Variants in DTNB observed in about 807,000 individuals in gnomAD.
DTNB encodes DTN-B.
Under a neutral mutation model 90.7 loss-of-function variants are expected in DTNB, and 63 were observed. That is an observed-to-expected ratio of 0.69 (90% CI 0.57 to 0.86). The LOEUF is 0.86. Ranked by LOEUF, DTNB falls within the 40% of genes least tolerant of loss-of-function variation. The pLI is 0.00. For synonymous variants in DTNB, 277 were observed against 286.7 expected, an observed-to-expected ratio of 0.97 and a Z score of 0.34; for missense variants, 744 against 807.1, an observed-to-expected ratio of 0.92 and a Z score of 0.95.
chr2:25,587,309 A>G (rs978564403), intron 6 of DTNB, among the ~76,000 whole-genome samples: 4 of 152,250 alleles, frequency 2.6e-5, no homozygotes, highest in African/African-American at 9.6e-5. Flanking sequence ...CCAACATCTG[A>G]GAAAGCACAC....
chr2:25,461,343 G>T (rs796926430), intron 10 of DTNB, among the ~76,000 whole-genome samples: 1 of 152,170 alleles, frequency 6.6e-6, no homozygotes, highest in South Asian at 2.1e-4. Flanking sequence ...GGGGTGTGGG[G>T]TGTAATGTTC....
At chr2:25,614,052 A>C (rs1222020107) in intron 4 of DTNB, among the ~76,000 whole-genome samples, 1 of 152,190 alleles carries the variant, frequency 6.6e-6, no homozygotes, top group African/African-American at 2.4e-5. Flanking sequence ...CAATCAATAT[A>C]ATTCACTATC....
rs544010674 is a variant in DTNB at position 25,572,423 on chromosome 2, C to T, written c.876+4415G>A. On this transcript the variant is annotated intron_variant, in intron 8 of 20. Coordinates refer to ENST00000406818, the MANE Select transcript of DTNB (RefSeq NM_021907.5). Reference sequence around the variant, plus strand: ...CGGAGCTTGCAGTTAGCCGAGATCGCGCCACTGCACTCCAGCCTGGGCGAC... The same window carrying T: ...CGGAGCTTGCAGTTAGCCGAGATCGTGCCACTGCACTCCAGCCTGGGCGAC... Among the ~76,000 whole-genome samples, 36 of 150,960 alleles carry T rather than the reference C, an allele frequency of 2.4e-4. 1 individual carries two copies. Among genetic ancestry groups the T allele is most frequent in the African/African-American group, 7.5e-4 (31 of 41,112 alleles).
chr2:25,386,044 A>C (rs1396352559), intron 18 of DTNB: 1 of 985,356 alleles, frequency 1.0e-6, no homozygotes, highest in East Asian at 1.1e-4. Context: ...GTCATCCTGA[A>C]GGCTGTCGCC....
At chr2:25,524,401 CTT>C (rs369653199) in intron 9 of DTNB, among the ~76,000 whole-genome samples, 120 of 114,554 alleles carry the variant, frequency 1.0e-3, no homozygotes, top group African/African-American at 1.3e-3. Flanking sequence ...TCTACCAGAG[CTT>C]TTTTTTTTTT....
intron 9 of DTNB, among the ~76,000 whole-genome samples, chr2:25,503,773 T>TG (rs2071481529): frequency 6.6e-6 from 1 of 151,420 alleles, no homozygotes; most frequent in Non-Finnish European, 1.5e-5. Flanking sequence ...AAAAATTAGC[T>TG]GGGCGTGGTG....
chr2:25,524,433 G>A (rs917624810), intron 9 of DTNB, among the ~76,000 whole-genome samples: 6 of 148,248 alleles, frequency 4.0e-5, no homozygotes, highest in African/African-American at 1.0e-4. Flanking sequence ...GGGGGGGGTG[G>A]TCTGCTGACT....
At position 25,430,120 on chromosome 2, in the gene DTNB, T is replaced by A. The variant is rs199889634; in HGVS notation, c.1458-2489A>T. ...AATAAATATAGATATAATACCTATATTATATAGGTATTATATATGTAAAAT... is the reference window on the plus strand; with the variant it reads ...AATAAATATAGATATAATACCTATAATATATAGGTATTATATATGTAAAAT... On this transcript the variant is annotated intron_variant, in intron 14 of 20. Coordinates refer to ENST00000406818, the MANE Select transcript of DTNB (RefSeq NM_021907.5). Among the ~76,000 whole-genome samples, 41 of 152,266 alleles carry A rather than the reference T, an allele frequency of 2.7e-4. No homozygotes were observed. The East Asian group carries it at 7.3e-3, about 27-fold the overall frequency.
chr2:25,523,897 CTTTTTTT>C (rs869167435), intron 9 of DTNB, among the ~76,000 whole-genome samples: 19 of 115,848 alleles, frequency 1.6e-4, no homozygotes, highest in African/African-American at 2.2e-4. Context: ...GTCATCTGTA[CTTTTTTT>C]TTTTTTTTTT....
At chr2:25,412,152 C>A (rs2046775795) in intron 16 of DTNB, among the ~76,000 whole-genome samples, 1 of 152,058 alleles carries the variant, frequency 6.6e-6, no homozygotes. Context: ...TTATGTGAGC[C>A]CTTGTGGGTC....
intron 1 of DTNB, among the ~76,000 whole-genome samples, chr2:25,653,515 CTTTT>C (rs1179518465): frequency 1.5e-3 from 94 of 62,224 alleles, no homozygotes; most frequent in African/African-American, 7.2e-3. Flanking sequence ...TTCTTTCTTT[CTTTT>C]TTTTTTTTTT....
At chr2:25,549,963 T>C (rs1035120101) in intron 8 of DTNB, among the ~76,000 whole-genome samples, 4 of 151,246 alleles carry the variant, frequency 2.6e-5, no homozygotes, top group Admixed American at 2.0e-4. Flanking sequence ...GCCCAGCCAG[T>C]ATATCTTTAA....
At position 25,388,291 on chromosome 2, in the gene DTNB, C is replaced by A; in HGVS notation, c.1646G>T (p.Arg549Leu). The A allele has an allele frequency of 6.2e-7, 1 of 1,613,092 alleles. No homozygotes were observed. Among genetic ancestry groups the A allele is most frequent in the Non-Finnish European group, 8.5e-7 (1 of 1,179,602 alleles). ...GGGGGTGGAGCCGGCAGACGTGGAG[C>A]GCACTGGCATGGGCATTGGCCGGCC... ...GGGRPMPMPV[R>L]STSAGSTPTH... Residue 549 changes from arginine to leucine, a missense_variant, in exon 17 of 21, where the codon CGC becomes CTC. By Grantham distance (102) the Arg-to-Leu change is moderately radical. Transcript: ENST00000406818.
chr2:25,610,544 G>A (rs917856015), intron 4 of DTNB, among the ~76,000 whole-genome samples: 4 of 152,108 alleles, frequency 2.6e-5, no homozygotes, highest in Admixed American at 2.0e-4. Flanking sequence ...CATAATTCAT[G>A]AATGAACTTT....
At chr2:25,515,259 T>A (rs1298663015) in intron 9 of DTNB, among the ~76,000 whole-genome samples, 1 of 152,126 alleles carries the variant, frequency 6.6e-6, no homozygotes, top group Admixed American at 6.5e-5. Flanking sequence ...AGAATCCCTA[T>A]CAAAATCTTT....
Position 25,387,364 on chromosome 2 carries a change from G to C in DTNB, c.1750C>G (p.Leu584Val). The C allele has an allele frequency of 6.2e-7, 1 of 1,612,436 alleles. No individual in the cohort carries two copies. Among genetic ancestry groups the C allele is most frequent in the South Asian group, 1.1e-5 (1 of 91,000 alleles). ...EAFAQGTRRN[L>V]RNDLLVAADS... is the part of the protein sequence containing the mutation. ...GCTGCCACCAGCAGGTCATTGCGGA[G>C]GTTTCTCCTCGTACCTGAGGAGAGG... The change falls in exon 18 of 21, where the codon CTC (leucine) becomes GTC (valine). Residue 584 changes from leucine to valine, a missense_variant. Leu to Val is a conservative substitution (Grantham distance 32). Coordinates refer to ENST00000406818, the MANE Select transcript of DTNB (RefSeq NM_021907.5). The surrounding 1 kb of genome is among the most constrained non-coding windows in gnomAD (Gnocchi z 4.5).
intron 12 of DTNB, among the ~76,000 whole-genome samples, chr2:25,437,797 T>C (rs1037399702): frequency 3.9e-5 from 6 of 152,202 alleles, no homozygotes; most frequent in Non-Finnish European, 7.3e-5. Context: ...CAACAGATAC[T>C]TCCTGAGCTC....
chr2:25,555,291 C>CA (rs1194525010), intron 8 of DTNB, among the ~76,000 whole-genome samples: 2,496 of 51,316 alleles, frequency 0.049, 28 homozygotes, highest in African/African-American at 0.066. Context: ...ACTCCGTCTC[C>CA]AAAAAAAAAA....
At chr2:25,518,561 C>T (rs956972366) in intron 9 of DTNB, among the ~76,000 whole-genome samples, 4 of 146,678 alleles carry the variant, frequency 2.7e-5, no homozygotes, top group East Asian at 3.9e-4. Flanking sequence ...TGCAAGTTCC[C>T]GTCTCCCTCA....
Sources: allele counts gnomAD v4.1 joint callset (sites outside exome capture counted in the v4.1 genomes callset), GRCh38; gene constraint gnomAD v4.1.1; non-coding constraint Gnocchi (gnomAD v3.1); transcripts MANE v1.5; gene names NCBI Gene and HGNC (gene_info 2026-07-23, HGNC 2026-07-21).